Variants in DSC2 observed in about 807,000 individuals in gnomAD.
The protein encoded by DSC2 is desmocollin 2.
Under a neutral mutation model 87.6 loss-of-function variants are expected in DSC2, and 51 were observed. That is an observed-to-expected ratio of 0.58 (90% CI 0.46 to 0.74). The LOEUF is 0.74. DSC2 is among the 30% of genes least tolerant of loss of function. DSC2 has a pLI of 0.00. For synonymous variants in DSC2, 383 were observed against 393.2 expected, an observed-to-expected ratio of 0.97 and a Z score of 0.31; for missense variants, 1,066 against 1,089.5, an observed-to-expected ratio of 0.98 and a Z score of 0.30.
chr18:31,070,312 T>C (rs1253501458), intron 14 of DSC2, among the ~76,000 whole-genome samples: 2 of 152,202 alleles, frequency 1.3e-5, no homozygotes, highest in Non-Finnish European at 1.5e-5. Context: ...AAAGAATCTA[T>C]TAAAGTTCTT....
chr18:31,099,984 T>C lies in DSC2; in HGVS notation c.69+1919A>G, dbSNP rs115225882. 6.9e-3 allele frequency among the ~76,000 whole-genome samples: 1,045 copies of C among 152,304 alleles called. 12 individuals are homozygous for C. Among genetic ancestry groups the C allele is most frequent in the African/African-American group, 0.024 (1,000 of 41,558 alleles). ...CCCAAGCTCAAGCAATCCTCCCACC[T>C]TAGCCTCTCTCCAGTGACTTGGACC... On this transcript the variant is annotated intron_variant, in intron 1 of 15. Transcript: ENST00000280904.
intron 11 of DSC2, among the ~76,000 whole-genome samples, chr18:31,075,598 C>A (rs933926718): frequency 6.6e-6 from 1 of 152,166 alleles, no homozygotes; most frequent in Non-Finnish European, 1.5e-5. Flanking sequence ...CGCCTGTAAT[C>A]CCAGCACTTT....
intron 5 of DSC2, 22 bp downstream of exon 5, chr18:31,089,417 G>C (rs1392081507): frequency 5.0e-6 from 8 of 1,613,082 alleles, no homozygotes; most frequent in Middle Eastern, 1.7e-4. Context: ...TGCTAATACA[G>C]TACACACATT....
intron 2 of DSC2, among the ~76,000 whole-genome samples, chr18:31,092,763 T>C (rs1044968769): frequency 3.3e-5 from 5 of 152,232 alleles, no homozygotes; most frequent in Admixed American, 3.3e-4. Context: ...TCTTACAGAA[T>C]TATGTGAAAT....
In DSC2 at chr18:31,070,829, C is replaced by G. The variant is rs764008863; in HGVS notation, c.2147G>C (p.Cys716Ser). The G allele has an allele frequency of 4.3e-6, 7 of 1,613,746 alleles. No individual in the cohort carries two copies. The highest frequency in any genetic ancestry group is 5.1e-6 in the Non-Finnish European group (6 of 1,179,846). ...TTGTTTAGACGTCCCAGAAGCCCCA[C>G]AGACCAGCGTAAACAGGATGCCTGG... is the stretch of plus-strand genomic sequence containing the variant. ...LLFCILFTLVCGASGTSKQPK... is the reference protein window; with the variant it reads ...LLFCILFTLVSGASGTSKQPK... The change falls in exon 14 of 16, where the codon TGT becomes TCT. Residue 716 changes from cysteine to serine, a missense_variant. Physicochemically the swap from Cys to Ser is moderately radical, Grantham distance 112. Coordinates refer to ENST00000280904, the MANE Select transcript of DSC2 (RefSeq NM_024422.6).
At chr18:31,068,351 A>G in intron 15 of DSC2, 139 bp from the exon 16 acceptor site, 1 of 1,612,414 alleles carries the variant, frequency 6.2e-7, no homozygotes, top group Non-Finnish European at 8.5e-7. Context: ...ATTCCTATAC[A>G]TAAAAAATGC....
rs1986487184 is a variant in DSC2 at position 31,060,872 on chromosome 18, C to T, written c.*7143G>A. On this transcript the variant is annotated 3_prime_UTR_variant, in exon 16 of 16. Coordinates refer to ENST00000280904, the MANE Select transcript of DSC2 (RefSeq NM_024422.6). The stretch of plus-strand genomic sequence containing the variant: ...TTTGCAGACATTGTGAAATTTTACT[C>T]ATCAATGTGTTTCAACTCTTTGGTA... 1 of 152,172 alleles carries T rather than the reference C, an allele frequency of 6.6e-6. No individual in the cohort carries two copies. Among genetic ancestry groups the T allele is most frequent in the Admixed American group, 6.5e-5 (1 of 15,276 alleles). 9.4% of individuals were successfully genotyped at this position (152,172 alleles called of 1,614,324 possible). A position where few individuals can be genotyped will look rare whatever the true frequency, so the allele number is the denominator to read the frequency against.
At chr18:31,078,796 GT>G (rs1987105153) in intron 11 of DSC2, among the ~76,000 whole-genome samples, 1 of 151,888 alleles carries the variant, frequency 6.6e-6, no homozygotes, top group African/African-American at 2.4e-5. Flanking sequence ...ATAATAATTT[GT>G]TTGTTATATT....
At position 31,101,672 on chromosome 18, in the gene DSC2, G is replaced by A. The variant is rs748467644; in HGVS notation, c.69+231C>T. The A allele has an allele frequency of 7.7e-4, 413 of 538,134 alleles. 1 individual carries two copies. Among genetic ancestry groups the A allele is most frequent in the Middle Eastern group, 4.3e-3 (9 of 2,078 alleles). 33.3% of individuals were successfully genotyped at this position (538,134 alleles called of 1,614,324 possible). Reference sequence around the variant, plus strand: ...GCTCCCGCCTCTCCTTGAGTGCGCTGATTACATCTACCGGAGACACCTTCC... The same window carrying A: ...GCTCCCGCCTCTCCTTGAGTGCGCTAATTACATCTACCGGAGACACCTTCC... On this transcript the variant is annotated intron_variant, in intron 1 of 15. Transcript: ENST00000280904.
chr18:31,071,285 G>A (rs556142561), intron 13 of DSC2, among the ~76,000 whole-genome samples: 5 of 151,978 alleles, frequency 3.3e-5, no homozygotes, highest in Admixed American at 6.6e-5. Context: ...GTTGACTCAC[G>A]CCTGTAATCC....
Position 31,097,526 on chromosome 18 carries a change from G to A in DSC2, c.70-3883C>T, listed in dbSNP as rs541109754. 2.3e-4 allele frequency among the ~76,000 whole-genome samples: 35 copies of A among 151,398 alleles called. No individual in the cohort carries two copies. The East Asian group carries it at 6.4e-3, about 28-fold the overall frequency. ...TAAAAACCTCCATAAAATTTTCTCT[G>A]GAACTAAACAAGCTGATTTAAAAGG... is the stretch of plus-strand genomic sequence containing the variant. On this transcript the variant is annotated intron_variant, in intron 1 of 15. Coordinates refer to ENST00000280904, the MANE Select transcript of DSC2 (RefSeq NM_024422.6).
At chr18:31,101,783 CCAGAGG>C in intron 1 of DSC2, 114 bp downstream of exon 1, 1 of 1,006,276 alleles carries the variant, frequency 9.9e-7, no homozygotes, top group Non-Finnish European at 1.4e-6. Flanking sequence ...TTCTAGCCAC[CCAGAGG>C]CCCCTTCACC....
At position 31,063,649 on chromosome 18, in the gene DSC2, A is replaced by T. The variant is rs1333898416; in HGVS notation, c.*4366T>A. On this transcript the variant is annotated 3_prime_UTR_variant, in exon 16 of 16. Transcript: ENST00000280904. ...GGGAAATTAGTACAGAAGGTCCTCA[A>T]CTTAAGATGGCTCGATCTGATATTT... The T allele has an allele frequency of 6.6e-6, 1 of 152,190 alleles. No individual in the cohort carries two copies. Among genetic ancestry groups the T allele is most frequent in the Non-Finnish European group, 1.5e-5 (1 of 68,032 alleles). 9.4% of individuals were successfully genotyped at this position (152,190 alleles called of 1,614,324 possible).
intron 1 of DSC2, among the ~76,000 whole-genome samples, chr18:31,097,191 GGGA>G (rs1164531429): frequency 1.3e-5 from 2 of 151,818 alleles, no homozygotes; most frequent in Admixed American, 6.6e-5. Flanking sequence ...GGGAGGCTGA[GGGA>G]GGAGAATGGT....
Position 31,087,757 on chromosome 18 carries a change from TA to T in DSC2, c.686del (p.Leu229GlnfsTer2). ...DGYTPELPLP[L>X]IIKIEDENDN... Reference sequence around the variant, plus strand: ...CATTTTCATCCTCTATTTTGATTATTAGGGGCAGTGGAAGTTCTGGAGTATA... The same window carrying T: ...CATTTTCATCCTCTATTTTGATTATTGGGGCAGTGGAAGTTCTGGAGTATA... On this transcript the variant is annotated frameshift_variant, in exon 6 of 16. Transcript: ENST00000280904. LOFTEE classifies it high-confidence loss of function. 2 of 1,613,864 alleles carry T rather than the reference TA, an allele frequency of 1.2e-6. No homozygotes were observed. Among genetic ancestry groups the T allele is most frequent in the Non-Finnish European group, 1.7e-6 (2 of 1,179,806 alleles).
Position 31,071,754 on chromosome 18 carries a change from G to T in DSC2, c.1976C>A (p.Ser659Tyr). The T allele has an allele frequency of 6.2e-7, 1 of 1,613,856 alleles. No homozygotes were observed. The highest frequency in any genetic ancestry group is 8.5e-7 in the Non-Finnish European group (1 of 1,179,902). ...PITVRDRLGM[S>Y]SVTSLDVTLC... is the part of the protein sequence containing the mutation. Reference sequence around the variant, plus strand: ...TGTAACATCCAATGAAGTGACACTAGACATGCCAAGTCTATCTCTCACTGT... The same window carrying T: ...TGTAACATCCAATGAAGTGACACTATACATGCCAAGTCTATCTCTCACTGT... The change falls in exon 13 of 16, where the codon TCT becomes TAT. Residue 659 changes from serine (S) to tyrosine (Y), a missense_variant. By Grantham distance (144) the Ser-to-Tyr change is moderately radical. Transcript: ENST00000280904.
chr18:31,095,241 T>A (rs562066884), intron 1 of DSC2, among the ~76,000 whole-genome samples: 50 of 152,250 alleles, frequency 3.3e-4, no homozygotes, highest in African/African-American at 1.1e-3. Flanking sequence ...AGGAGACTTG[T>A]GTATTGCAGA....
At position 31,068,081 on chromosome 18, in the gene DSC2, C is replaced by G; in HGVS notation, c.2640G>C (p.Gly880=). ...GCCSERQEED[G]LEFLDNLEPK... The stretch of plus-strand genomic sequence containing the variant: ...GCTCCAAATTATCCAAAAATTCAAG[C>G]CCATCTTCTTCTTGTCGTTCACTGC... The change falls in exon 16 of 16, where the codon GGG becomes GGC. Residue 880 remains glycine, a synonymous_variant. Transcript: ENST00000280904. 6.2e-7 allele frequency: 1 copy of G among 1,613,988 alleles called. No individual in the cohort carries two copies. Among genetic ancestry groups the G allele is most frequent in the Non-Finnish European group, 8.5e-7 (1 of 1,179,980 alleles).
At chr18:31,088,483 T>C (rs1434394934) in intron 5 of DSC2, among the ~76,000 whole-genome samples, 1 of 152,198 alleles carries the variant, frequency 6.6e-6, no homozygotes, top group Non-Finnish European at 1.5e-5. Context: ...GGCCAGGCCA[T>C]GGCAATTCTA....
Sources: gnomAD v4.1 joint callset for allele counts (sites outside exome capture counted in the v4.1 genomes callset) on GRCh38, gnomAD v4.1.1 for gene constraint, MANE v1.5 for transcripts, NCBI Gene and HGNC (gene_info 2026-07-23, HGNC 2026-07-21) for gene names.